The following DENND1B variants were observed in gnomAD, a reference collection of about 807,000 sequenced individuals.
The protein encoded by DENND1B is DENN domain-containing protein 1B.
Under a neutral mutation model 90.1 loss-of-function variants are expected in DENND1B, and 59 were observed. That is an observed-to-expected ratio of 0.65 (90% CI 0.53 to 0.81). The LOEUF (loss-of-function observed/expected upper bound fraction) is 0.81. Ranked by LOEUF, DENND1B falls within the 40% of genes least tolerant of loss-of-function variation. DENND1B has a pLI of 0.00. For missense variants in DENND1B, 862 were observed against 912.6 expected (o/e 0.94, Z 0.71); for synonymous variants, 337 against 324.6 (o/e 1.04, Z -0.41).
At chr1:197,756,375 G>A (rs1007020252) in intron 2 of DENND1B, among the ~76,000 whole-genome samples, 1 of 152,054 alleles carries the variant, frequency 6.6e-6, no homozygotes, top group African/African-American at 2.4e-5. Flanking sequence ...AGGAGTTCAA[G>A]ACCAGCCCGG....
At chr1:197,631,824 T>G (rs1292739935) in intron 10 of DENND1B, among the ~76,000 whole-genome samples, 1 of 152,108 alleles carries the variant, frequency 6.6e-6, no homozygotes, top group African/African-American at 2.4e-5. Flanking sequence ...TGTGAATATC[T>G]GTATGTATAT....
intron 15 of DENND1B, among the ~76,000 whole-genome samples, chr1:197,581,966 C>T (rs1433897034): frequency 6.6e-6 from 1 of 152,164 alleles, no homozygotes; most frequent in African/African-American, 2.4e-5. Flanking sequence ...AAAGCACTAT[C>T]ACTTGATCTT....
chr1:197,739,305 A>G (rs1476359689), intron 2 of DENND1B, among the ~76,000 whole-genome samples: 1 of 152,190 alleles, frequency 6.6e-6, no homozygotes, highest in Non-Finnish European at 1.5e-5. Context: ...AAATGTTCAA[A>G]CTGTTTCCAA....
At position 197,510,493 on chromosome 1, in the gene DENND1B, A is replaced by C. The variant is rs1284104552; in HGVS notation, c.2295T>G (p.Ile765Met). ...GGTTTCCATTTGTGTTTTTGTCTGAAATGTTCAAGCTTTGTTGGAAGTCAG... is the reference window on the plus strand; with the variant it reads ...GGTTTCCATTTGTGTTTTTGTCTGACATGTTCAAGCTTTGTTGGAAGTCAG... ...MTSDFQQSLN[I>M]SDKNTNGNQT The change falls in exon 23 of 23, where the codon ATT becomes ATG. Residue 765 changes from isoleucine (I) to methionine (M), a missense_variant. Coordinates refer to ENST00000620048, the MANE Select transcript of DENND1B (RefSeq NM_001195215.2). 3 of 1,608,008 alleles carry C rather than the reference A, an allele frequency of 1.9e-6. No individual in the cohort carries two copies. The highest frequency in any genetic ancestry group is 2.5e-6 in the Non-Finnish European group (3 of 1,177,108).
At chr1:197,680,009 G>C (rs1390401672) in intron 3 of DENND1B, among the ~76,000 whole-genome samples, 8 of 151,980 alleles carry the variant, frequency 5.3e-5, no homozygotes, top group South Asian at 2.1e-4. Flanking sequence ...AATTAGCCAG[G>C]CATGGTGGCA....
intron 2 of DENND1B, among the ~76,000 whole-genome samples, chr1:197,750,570 C>CTAGATAGATAGATAGATAGATAGATAGA (rs57505824): frequency 6.7e-6 from 1 of 149,118 alleles, no homozygotes. Flanking sequence ...AAAAGCAAAC[C>CTAGATAGATAGATAGATAGATAGATAGA]TAGATAGATA....
At chr1:197,610,645 T>C (rs1415876409) in intron 12 of DENND1B, among the ~76,000 whole-genome samples, 1 of 150,792 alleles carries the variant, frequency 6.6e-6, no homozygotes, top group Non-Finnish European at 1.5e-5. Context: ...TTAAATGAAG[T>C]CAAATTACTG....
intron 4 of DENND1B, 22 bp from the exon 5 acceptor site, chr1:197,672,178 A>G: frequency 6.3e-7 from 1 of 1,582,038 alleles, no homozygotes; most frequent in Non-Finnish European, 8.6e-7. Context: ...TAACATTAGG[A>G]AACATTGTGC....
chr1:197,555,618 T>C (rs2125691879), intron 15 of DENND1B, among the ~76,000 whole-genome samples: 1 of 152,178 alleles, frequency 6.6e-6, no homozygotes, highest in African/African-American at 2.4e-5. Context: ...TCAACATCAC[T>C]AATCATCAGA....
intron 2 of DENND1B, among the ~76,000 whole-genome samples, chr1:197,767,788 G>A (rs569151033): frequency 1.3e-5 from 2 of 152,074 alleles, no homozygotes; most frequent in Non-Finnish European, 2.9e-5. Flanking sequence ...AATTATATTG[G>A]ATTCATTAAT....
At chr1:197,629,014 A>T (rs1015927610) in intron 10 of DENND1B, among the ~76,000 whole-genome samples, 5 of 152,124 alleles carry the variant, frequency 3.3e-5, no homozygotes, top group African/African-American at 9.7e-5. Flanking sequence ...CATCATTAAA[A>T]AGTCAGGAAA....
At chr1:197,612,880 C>T (rs1026269250) in intron 11 of DENND1B, among the ~76,000 whole-genome samples, 9 of 150,558 alleles carry the variant, frequency 6.0e-5, no homozygotes, top group East Asian at 3.9e-4. Context: ...ATACTTCTCA[C>T]GAAATACAAG....
chr1:197,744,356 G>C (rs1376939886), intron 2 of DENND1B, among the ~76,000 whole-genome samples: 1 of 152,122 alleles, frequency 6.6e-6, no homozygotes, highest in East Asian at 1.9e-4. Flanking sequence ...TATAAAACTT[G>C]AAAGTCAAAA....
chr1:197,730,877 T>C (rs1662084075), intron 2 of DENND1B, among the ~76,000 whole-genome samples: 1 of 152,186 alleles, frequency 6.6e-6, no homozygotes, highest in East Asian at 1.9e-4. Context: ...ATAAATTATA[T>C]ATGTATATTA....
intron 10 of DENND1B, among the ~76,000 whole-genome samples, chr1:197,621,271 T>C (rs1045481151): frequency 6.6e-6 from 1 of 151,100 alleles, no homozygotes; most frequent in African/African-American, 2.4e-5. Context: ...CCTGGAACAT[T>C]TGAGAATATA....
intron 3 of DENND1B, among the ~76,000 whole-genome samples, chr1:197,691,107 G>T (rs972956841): frequency 1.3e-5 from 2 of 151,916 alleles, no homozygotes; most frequent in Admixed American, 6.6e-5. Flanking sequence ...ATAGACAAGT[G>T]GAATTACATC....
Position 197,540,051 on chromosome 1 carries a change from C to T in DENND1B, c.1428G>A (p.Gly476=), listed in dbSNP as rs750443333. 2 of 1,606,716 alleles carry T rather than the reference C, an allele frequency of 1.2e-6. No homozygotes were observed. The highest frequency in any genetic ancestry group is 2.2e-5 in the East Asian group (1 of 44,596). The change falls in exon 20 of 23, where the codon GGG becomes GGA. Residue 476 remains glycine, a synonymous_variant. Coordinates refer to ENST00000620048, the MANE Select transcript of DENND1B (RefSeq NM_001195215.2). Reference sequence around the variant, plus strand: ...TATATTGTACAGAACTAGAACAGGTCCCATAATCTTCTTCATTTTCCTACA... The same window carrying T: ...TATATTGTACAGAACTAGAACAGGTTCCATAATCTTCTTCATTTTCCTACA... ...LKHKENEEDY[G]TCSSSVQYTP...
chr1:197,606,915 A>G (rs1676732331), intron 13 of DENND1B, 158 bp downstream of exon 13: 1 of 595,502 alleles, frequency 1.7e-6, no homozygotes, highest in South Asian at 2.1e-5. Context: ...GCTAAAAGGT[A>G]AAAATATTAA....
intron 10 of DENND1B, among the ~76,000 whole-genome samples, chr1:197,627,634 T>A (rs1678892872): frequency 6.6e-6 from 1 of 151,946 alleles, no homozygotes; most frequent in Non-Finnish European, 1.5e-5. Context: ...AGGGATGCCC[T>A]CTCTCACCAC....
Sources: gnomAD v4.1 joint callset for allele counts (sites outside exome capture counted in the v4.1 genomes callset) on GRCh38, gnomAD v4.1.1 for gene constraint, MANE v1.5 for transcripts, NCBI Gene and HGNC (gene_info 2026-07-23, HGNC 2026-07-21) for gene names.